Variants in RSPH14 observed in about 807,000 individuals in gnomAD.
RSPH14 encodes the protein radial spoke head 14 homolog, also known as rhabdoid tumor deletion region gene 1.
A neutral mutation model predicts 26.7 loss-of-function variants in RSPH14; 20 were observed. The ratio of observed to expected loss-of-function variants is 0.75; its 90% CI spans 0.53 to 1.09. The LOEUF (loss-of-function observed/expected upper bound fraction) is 1.09, where lower values mean the gene tolerates loss of function less well. Among genes scored for constraint, RSPH14 ranks in the 50% least tolerant of loss-of-function variants. The pLI is 0.00. For synonymous variants in RSPH14, 177 were observed against 189.3 expected (o/e 0.93, Z 0.53); for missense variants, 449 against 457.2 (o/e 0.98, Z 0.16).
At chr22:23,062,142 C>G (rs1022236305) in intron 5 of RSPH14, among the ~76,000 whole-genome samples, 197 bp from the exon 6 acceptor site, 43 of 152,182 alleles carry the variant, frequency 2.8e-4, no homozygotes, top group African/African-American at 1.0e-3. Flanking sequence ...TGAACGCGGC[C>G]CACTGCCAGT....
At chr22:23,109,457 TCAGA>T (rs1241703225) in intron 4 of RSPH14, among the ~76,000 whole-genome samples, 1 of 151,576 alleles carries the variant, frequency 6.6e-6, no homozygotes. Context: ...AGAAAGGGAG[TCAGA>T]CAGGAGAGGG....
chr22:23,084,714 A>C (rs2068770388), intron 4 of RSPH14, among the ~76,000 whole-genome samples: 1 of 152,152 alleles, frequency 6.6e-6, no homozygotes, highest in Non-Finnish European at 1.5e-5. Flanking sequence ...CCCGCCCTTC[A>C]CTACCCCAAG....
At chr22:23,060,894 C>T (rs999199120) in intron 6 of RSPH14, among the ~76,000 whole-genome samples, 1 of 152,162 alleles carries the variant, frequency 6.6e-6, no homozygotes, top group Non-Finnish European at 1.5e-5. Context: ...TCTCGAGCCC[C>T]GTGGCCCTCC....
chr22:23,153,464 C>G, the RSPH14 span: 1 of 616,724 alleles, frequency 1.6e-6, no homozygotes, highest in Non-Finnish European at 2.0e-6. Context: ...TGATCCCACT[C>G]ACCAGGCCAG....
rs1007269133 is a variant in RSPH14 at position 23,114,616 on chromosome 22, G to A, written c.421+19410C>T. 8.5e-5 allele frequency among the ~76,000 whole-genome samples: 13 copies of A among 152,330 alleles called. 1 individual carries two copies. The highest frequency in any genetic ancestry group is 3.1e-4 in the African/African-American group (13 of 41,562). ...CAGCTGCTCACAGTCACTTGTGCCT[G>A]GGTGTGGGGACTAAGCTGTCCATGT... On this transcript the variant is annotated intron_variant, in intron 4 of 6. Coordinates refer to ENST00000216036, the MANE Select transcript of RSPH14 (RefSeq NM_014433.3).
chr22:23,147,169 G>A (rs989094875), upstream of RSPH14, among the ~76,000 whole-genome samples: 8 of 151,924 alleles, frequency 5.3e-5, no homozygotes, highest in African/African-American at 9.7e-5. Context: ...TTGCCATTCC[G>A]CCTCTATGAG....
At chr22:23,152,814 G>A in the RSPH14 span, among the ~76,000 whole-genome samples, 23 of 152,234 alleles carry the variant, frequency 1.5e-4, no homozygotes, top group Admixed American at 2.6e-4. Flanking sequence ...GCTCAGTTTC[G>A]CTCAGTTTCT....
intron 4 of RSPH14, among the ~76,000 whole-genome samples, chr22:23,077,999 T>G (rs948231238): frequency 6.6e-6 from 1 of 152,178 alleles, no homozygotes; most frequent in Non-Finnish European, 1.5e-5. Flanking sequence ...GGCATGTCCC[T>G]CTGGCCTTAG....
chr22:23,065,461 C>G (rs763702258), intron 4 of RSPH14, among the ~76,000 whole-genome samples: 7 of 138,732 alleles, frequency 5.0e-5, no homozygotes, highest in South Asian at 4.5e-4. Flanking sequence ...TCTCAGGGCT[C>G]TGACCACCCA....
chr22:23,060,853 G>A (rs1212004125), intron 6 of RSPH14, among the ~76,000 whole-genome samples: 5 of 152,180 alleles, frequency 3.3e-5, no homozygotes, highest in African/African-American at 1.2e-4. Flanking sequence ...GGAATAAGTG[G>A]CCTCATCTCC....
At chr22:23,170,008 G>A in the RSPH14 span, among the ~76,000 whole-genome samples, 3 of 151,148 alleles carry the variant, frequency 2.0e-5, no homozygotes, top group African/African-American at 7.3e-5. Flanking sequence ...GAGGTGGAAG[G>A]ATCGCTTGGG....
In RSPH14 at chr22:23,071,929, G is replaced by A. The variant is rs933852526; in HGVS notation, c.422-7796C>T. Among the ~76,000 whole-genome samples, 2 of 152,198 alleles carry A rather than the reference G, an allele frequency of 1.3e-5. No homozygotes were observed. The highest frequency in any genetic ancestry group is 2.9e-5 in the Non-Finnish European group (2 of 68,018). The stretch of plus-strand genomic sequence containing the variant: ...GGAGGAGGTATGGCGGGAAAGGCCG[G>A]TGGGGGCTGCACGGGGCTGAGGGAG... On this transcript the variant is annotated intron_variant, in intron 4 of 6. Transcript: ENST00000216036. This position sits in a 1 kb window ranked among gnomAD's most constrained non-coding sequence, Gnocchi z 4.1.
chr22:23,180,245 T>G, the RSPH14 span: 1 of 204,046 alleles, frequency 4.9e-6, no homozygotes, highest in South Asian at 1.7e-4. Context: ...ACCTCTGTAT[T>G]GGAAAGGTCT....
chr22:23,106,630 T>C (rs1341783252), intron 4 of RSPH14, among the ~76,000 whole-genome samples: 1 of 152,216 alleles, frequency 6.6e-6, no homozygotes, highest in Non-Finnish European at 1.5e-5. Context: ...AGGCTCAGGC[T>C]GTAGGATAAC....
At chr22:23,176,459 A>T in the RSPH14 span, among the ~76,000 whole-genome samples, 3 of 152,156 alleles carry the variant, frequency 2.0e-5, no homozygotes, top group Non-Finnish European at 4.4e-5. Context: ...ATCACCAATA[A>T]ATAGCATAGG....
chr22:23,153,785 T>G, the RSPH14 span, among the ~76,000 whole-genome samples: 1 of 140,966 alleles, frequency 7.1e-6, no homozygotes, highest in Non-Finnish European at 1.5e-5. Context: ...CAACCTCCAC[T>G]TCAAGCGAAT....
chr22:23,096,686 A>G (rs1486404470), intron 4 of RSPH14, among the ~76,000 whole-genome samples: 1 of 152,176 alleles, frequency 6.6e-6, no homozygotes, highest in East Asian at 1.9e-4. Context: ...GGCATCCATG[A>G]TCAATCCATG....
chr22:23,093,181 C>CAA (rs1478636393), intron 4 of RSPH14, among the ~76,000 whole-genome samples: 22 of 152,260 alleles, frequency 1.4e-4, no homozygotes, highest in African/African-American at 5.1e-4. Flanking sequence ...CATCTCAAGG[C>CAA]TTCCATTCTC....
At chr22:23,165,258 T>G in the RSPH14 span, among the ~76,000 whole-genome samples, 447 of 152,280 alleles carry the variant, frequency 2.9e-3, 8 homozygotes, top group East Asian at 0.02. Flanking sequence ...GCAGACAGAT[T>G]GCACTCTGAC....
Sources: gnomAD v4.1 joint callset for allele counts (sites outside exome capture counted in the v4.1 genomes callset) on GRCh38, gnomAD v4.1.1 for gene constraint, Gnocchi (gnomAD v3.1) non-coding constraint, MANE v1.5 for transcripts, NCBI Gene and HGNC (gene_info 2026-07-23, HGNC 2026-07-21) for gene names.